The following ADAD1 variants were observed in gnomAD, a reference collection of about 807,000 sequenced individuals.
ADAD1 encodes adenosine deaminase domain-containing protein 1.
ADAD1 carries 46 observed loss-of-function variants against 66.8 expected under a neutral mutation model. That is an observed-to-expected ratio of 0.69 (90% confidence interval 0.54 to 0.88). ADAD1 has a LOEUF of 0.88. Among genes scored for constraint, ADAD1 ranks in the 40% least tolerant of loss-of-function variants. ADAD1 has a pLI of 0.00. For missense variants in ADAD1, 617 were observed against 681.8 expected (o/e 0.91, Z 1.06); for synonymous variants, 248 against 229.4 (o/e 1.08, Z -0.73).
intron 2 of ADAD1, 76 bp from the exon 3 acceptor site, chr4:122,379,986 G>C: frequency 7.2e-7 from 1 of 1,388,244 alleles, no homozygotes; most frequent in Admixed American, 2.5e-5. Flanking sequence ...TAATGGGGGG[G>C]TGGGGTTTGG....
At chr4:122,396,401 A>G in intron 7 of ADAD1, 24 bp downstream of exon 7, 1 of 1,538,644 alleles carries the variant, frequency 6.5e-7, no homozygotes, top group East Asian at 2.3e-5. Context: ...TTTGGGAAAA[A>G]CTAATATTGT....
rs183155693 is a variant in ADAD1, at chr4:122,409,945, G to T, written c.849-1277G>T. 1.7e-4 allele frequency among the ~76,000 whole-genome samples: 26 copies of T among 152,216 alleles called. No homozygotes were observed. The East Asian group carries it at 4.8e-3, about 28-fold the overall frequency. ...TCTGCCCCCCTCGGCCTCCCAAAAT[G>T]CTGGGATTACAGGGGTGAGCCACCG... On this transcript the variant is annotated intron_variant, in intron 8 of 12. Coordinates refer to ENST00000296513, the MANE Select transcript of ADAD1 (RefSeq NM_139243.4).
rs182891447 is a variant in ADAD1 at position 122,421,330 on chromosome 4, C to A, written c.1557C>A (p.Asn519Lys). Reference sequence around the variant, plus strand: ...AGGCTGCAATGTTAAGTCGGTTTAACCTGCTTGCCAAAGAAGCTAAAAAAG... The same window carrying A: ...AGGCTGCAATGTTAAGTCGGTTTAAACTGCTTGCCAAAGAAGCTAAAAAAG... Reference protein sequence around the residue: ...LCKAAMLSRFNLLAKEAKKEL... With the variant: ...LCKAAMLSRFKLLAKEAKKEL... The change falls in exon 12 of 13, where the codon AAC (asparagine) becomes AAA (lysine). Residue 519 changes from asparagine (N) to lysine (K), a missense_variant. Physicochemically the swap from Asn to Lys is moderately conservative, Grantham distance 94. Transcript: ENST00000296513. The A allele has an allele frequency of 1.2e-6, 2 of 1,606,008 alleles. No homozygotes were observed. Among genetic ancestry groups the A allele is most frequent in the African/African-American group, 2.7e-5 (2 of 74,934 alleles).
At chr4:122,422,956 T>C (rs1478714968) in intron 12 of ADAD1, among the ~76,000 whole-genome samples, 1 of 97,200 alleles carries the variant, frequency 1.0e-5, no homozygotes, top group African/African-American at 4.1e-5. Flanking sequence ...TATTTCTCTT[T>C]AAAAAAAAAA....
intron 11 of ADAD1, among the ~76,000 whole-genome samples, chr4:122,420,105 A>G (rs1246205357): frequency 6.6e-6 from 1 of 152,222 alleles, no homozygotes; most frequent in Non-Finnish European, 1.5e-5. Context: ...GATGGTATTT[A>G]TATCCAAAAA....
intron 11 of ADAD1, among the ~76,000 whole-genome samples, chr4:122,417,958 T>C (rs1445608594): frequency 1.3e-5 from 2 of 152,166 alleles, no homozygotes; most frequent in South Asian, 4.1e-4. Context: ...AAATATTACA[T>C]ATCAGAACTT....
chr4:122,379,431 C>T lies in ADAD1; in HGVS notation c.-23C>T, dbSNP rs933460320. On this transcript the variant is annotated 5_prime_UTR_variant, in exon 2 of 13. Transcript: ENST00000296513. ...TGGCGCAAGCGCGGGGGCAAGAGCG[C>T]CGGCCTCCGAGACGGTTAGTGATTG... 1 of 152,472 alleles carries T rather than the reference C, an allele frequency of 6.6e-6. No individual in the cohort carries two copies. Among genetic ancestry groups the T allele is most frequent in the Non-Finnish European group, 1.5e-5 (1 of 68,122 alleles). 9.4% of individuals were successfully genotyped at this position (152,472 alleles called of 1,614,324 possible).
chr4:122,409,044 C>G (rs145536044), intron 8 of ADAD1, among the ~76,000 whole-genome samples: 257 of 152,208 alleles, frequency 1.7e-3, no homozygotes, highest in Middle Eastern at 6.8e-3. Context: ...CACCAGAAAC[C>G]AACAGGTTTT....
chr4:122,398,022 G>A (rs1429512609), intron 7 of ADAD1, among the ~76,000 whole-genome samples: 2 of 152,056 alleles, frequency 1.3e-5, no homozygotes, highest in Non-Finnish European at 2.9e-5. Flanking sequence ...AGTTTTGGGG[G>A]AATGGGTGGT....
At chr4:122,379,736 TTTTC>T (rs1340178302) in intron 2 of ADAD1, 3 of 178,284 alleles carry the variant, frequency 1.7e-5, no homozygotes, top group African/African-American at 7.1e-5. Flanking sequence ...GCTGATTTTT[TTTTC>T]TTTTTTTCTT....
intron 4 of ADAD1, among the ~76,000 whole-genome samples, chr4:122,382,805 C>T (rs1794969324): frequency 2.0e-5 from 3 of 152,090 alleles, no homozygotes; most frequent in Admixed American, 2.0e-4. Context: ...GATTGGAACC[C>T]AGGTGATCAT....
intron 11 of ADAD1, among the ~76,000 whole-genome samples, chr4:122,420,988 C>T (rs1396313622): frequency 6.6e-6 from 1 of 152,108 alleles, no homozygotes; most frequent in African/African-American, 2.4e-5. Flanking sequence ...TTTGTATCAT[C>T]ATAGGTTAAT....
intron 12 of ADAD1, among the ~76,000 whole-genome samples, chr4:122,427,137 C>G (rs1797276234): frequency 2.0e-5 from 3 of 152,108 alleles, no homozygotes; most frequent in Admixed American, 6.5e-5. Flanking sequence ...TTAGCAAGGT[C>G]ACAAGATATA....
chr4:122,408,128 A>T, intron 8 of ADAD1, 97 bp downstream of exon 8: 1 of 1,294,398 alleles, frequency 7.7e-7, no homozygotes, highest in Non-Finnish European at 1.0e-6. Flanking sequence ...AATTTTATTG[A>T]TCATAGAGCC....
intron 7 of ADAD1, among the ~76,000 whole-genome samples, chr4:122,402,807 T>C (rs561555740): frequency 2.6e-5 from 4 of 152,326 alleles, no homozygotes; most frequent in African/African-American, 9.6e-5. Context: ...CCAGTGCATT[T>C]TGTATTTCTC....
In ADAD1 at chr4:122,412,763, G is replaced by A. The variant is rs896985364; in HGVS notation, c.1203G>A (p.Leu401=). 2.5e-6 allele frequency: 4 copies of A among 1,613,710 alleles called. No homozygotes were observed. In the Admixed American group the frequency reaches 6.7e-5, roughly 27 times the overall value. ...RWEVLGVQGA[L]LSHFIQPVYI... is the part of the protein sequence containing the mutation. ...AAGTGCTTGGTGTACAGGGAGCATT[G>A]CTGAGTCATTTTATACAGCCAGTTT... The change falls in exon 10 of 13, where the codon TTG becomes TTA. Residue 401 remains leucine, a synonymous_variant. Coordinates refer to ENST00000296513, the MANE Select transcript of ADAD1 (RefSeq NM_139243.4).
Position 122,411,349 on chromosome 4 carries a change from A to C in ADAD1, c.976A>C (p.Met326Leu). 1 of 1,613,306 alleles carries C rather than the reference A, an allele frequency of 6.2e-7. No individual in the cohort carries two copies. The highest frequency in any genetic ancestry group is 1.1e-5 in the South Asian group (1 of 90,838). ...LKQNINICLY[M>L]NQLPKGSAQI... Reference sequence around the variant, plus strand: ...ACAGAATATCAACATTTGCCTTTACATGAACCAGTTGCCTAAAGGATCAGC... The same window carrying C: ...ACAGAATATCAACATTTGCCTTTACCTGAACCAGTTGCCTAAAGGATCAGC... Residue 326 changes from methionine (M) to leucine (L), a missense_variant, in exon 9 of 13, where the codon ATG (methionine) becomes CTG (leucine). Coordinates refer to ENST00000296513, the MANE Select transcript of ADAD1 (RefSeq NM_139243.4).
At chr4:122,399,338 G>A (rs113861439) in intron 7 of ADAD1, among the ~76,000 whole-genome samples, 17 of 152,004 alleles carry the variant, frequency 1.1e-4, no homozygotes, top group South Asian at 6.2e-4. Context: ...ATTATTCTGC[G>A]TGCCTAGTTG....
At chr4:122,385,142 CCTT>C (rs1243552681) in intron 5 of ADAD1, among the ~76,000 whole-genome samples, 7 of 151,988 alleles carry the variant, frequency 4.6e-5, no homozygotes, top group Non-Finnish European at 7.4e-5. Flanking sequence ...CTAGTCTTCT[CCTT>C]CTTATTCACA....
Sources: gnomAD v4.1 joint callset for allele counts (sites outside exome capture counted in the v4.1 genomes callset) on GRCh38, gnomAD v4.1.1 for gene constraint, MANE v1.5 for transcripts, NCBI Gene and HGNC (gene_info 2026-07-23, HGNC 2026-07-21) for gene names.